The following NEB variants were observed in gnomAD, a reference collection of about 807,000 sequenced individuals.
NEB encodes the protein nebulin.
In NEB, 512 loss-of-function variants were observed where a neutral mutation model predicts 952.2. The ratio of observed to expected loss-of-function variants is 0.54; its 90% CI spans 0.50 to 0.58. NEB has a LOEUF of 0.58. Among genes scored for constraint, NEB ranks in the 20% least tolerant of loss-of-function variants. The pLI is 0.00. For synonymous variants in NEB, 2,900 were observed against 3,149.8 expected (o/e 0.92, Z 2.66); for missense variants, 8,428 against 9,231.1 (o/e 0.91, Z 3.56).
intron 60 of NEB, among the ~76,000 whole-genome samples, chr2:151,641,884 T>C (rs966666812): frequency 1.3e-5 from 2 of 152,230 alleles, no homozygotes; most frequent in Non-Finnish European, 2.9e-5. Flanking sequence ...TACATATGTA[T>C]ATATGTGCCA....
At chr2:151,669,236 T>C in intron 38 of NEB, 105 bp from the exon 39 acceptor site, 2 of 793,468 alleles carry the variant, frequency 2.5e-6, no homozygotes, top group Non-Finnish European at 4.1e-6. Context: ...GTGTTTTCCA[T>C]TTACGAGACA....
chr2:151,643,220 A>G lies in NEB; in HGVS notation c.8090T>C (p.Phe2697Ser), dbSNP rs563560112. The G allele has an allele frequency of 3.3e-5, 54 of 1,613,988 alleles. No individual in the cohort carries two copies. Among genetic ancestry groups the G allele is most frequent in the Admixed American group, 3.3e-4 (20 of 60,028 alleles). The change falls in exon 58 of 182, where the codon TTT becomes TCT. Residue 2697 changes from phenylalanine (F) to serine (S), a missense_variant. By Grantham distance (155) the Phe-to-Ser change is radical. This residue lies in a region of NEB where 1,772 missense variants were observed against 1,960.3 expected (regional missense o/e 0.90). Transcript: ENST00000397345. ...GGAATCCATAAGGCTGGAAAACTTA[A>G]ATTGATCTGGGTGCTGACGGTAAAC... ...DHVYRQHPDQ[F>S]KFSSLMDSIP...
rs767042929 is a variant in NEB at position 151,631,219 on chromosome 2, T to C, written c.9542A>G (p.Asp3181Gly). 3.1e-6 allele frequency: 5 copies of C among 1,613,892 alleles called. No homozygotes were observed. The Admixed American group carries it at 8.3e-5, about 27-fold the overall frequency. Residue 3181 changes from aspartate to glycine, a missense_variant, in exon 66 of 182, where the codon GAC becomes GGC. Physicochemically the swap from Asp to Gly is moderately conservative, Grantham distance 94. Around this residue, in one of 11 missense-constraint regions of NEB, gnomAD observed 1,772 missense variants for 1,960.3 expected, o/e 0.90. Coordinates refer to ENST00000397345, the MANE Select transcript of NEB (RefSeq NM_001164508.2). ...LSDNIYRQPP[D>G]KLKFTSVTDS... Reference sequence around the variant, plus strand: ...AGTCACACTGGTAAATTTCAGCTTGTCCGGAGGCTGGCGGTAGATGTTATC... The same window carrying C: ...AGTCACACTGGTAAATTTCAGCTTGCCCGGAGGCTGGCGGTAGATGTTATC...
At chr2:151,513,261 G>A (rs1427590936) in intron 160 of NEB, among the ~76,000 whole-genome samples, 4 of 152,174 alleles carry the variant, frequency 2.6e-5, no homozygotes, top group African/African-American at 9.6e-5. Flanking sequence ...GGAATTCCTG[G>A]CATCAAATGA....
Position 151,502,881 on chromosome 2 carries a change from A to G in NEB, c.23840T>C (p.Leu7947Ser). The change falls in exon 167 of 182, where the codon TTG becomes TCG. Residue 7947 changes from leucine to serine, a missense_variant. By Grantham distance (145) the Leu-to-Ser change is moderately radical. Around this residue, in one of 11 missense-constraint regions of NEB, gnomAD observed 3,374 missense variants for 3,651.5 expected, o/e 0.92. Transcript: ENST00000397345. ...TCCTTTCCCCAAATTTTCTTTGTAC[A>G]AAACCTGTGAGATACAAGAAAGTAC... Reference protein sequence around the residue: ...KRNQENFSSVLYKENLGKGIP... With the variant: ...KRNQENFSSVSYKENLGKGIP... The G allele has an allele frequency of 1.3e-6, 2 of 1,581,982 alleles. No homozygotes were observed. The highest frequency in any genetic ancestry group is 1.7e-6 in the Non-Finnish European group (2 of 1,155,650).
chr2:151,502,096 A>G (rs2065075231), intron 167 of NEB, among the ~76,000 whole-genome samples: 1 of 152,190 alleles, frequency 6.6e-6, no homozygotes, highest in African/African-American at 2.4e-5. Flanking sequence ...GGAGACTAGT[A>G]TTGTAAGTGA....
intron 148 of NEB, among the ~76,000 whole-genome samples, chr2:151,526,564 C>T (rs529431111): frequency 2.5e-4 from 38 of 152,256 alleles, no homozygotes; most frequent in African/African-American, 8.7e-4. Flanking sequence ...ATTATTATTC[C>T]GTCTTTACAG....
At position 151,619,499 on chromosome 2, in the gene NEB, G is replaced by C. The variant is rs768264893; in HGVS notation, c.10824C>G (p.Asp3608Glu). Residue 3608 changes from aspartate to glutamate, a missense_variant, in exon 73 of 182, where the codon GAC (aspartate) becomes GAG (glutamate). By Grantham distance (45) the Asp-to-Glu change is conservative (BLOSUM62 2). Coordinates refer to ENST00000397345, the MANE Select transcript of NEB (RefSeq NM_001164508.2). ...HPLHEWICLP[D>E]QNDIIHARKA... ...TCCGTGCATGAATGATGTCATTCTG[G>C]TCGGGCAGGCAGATCCATTCATGCA... 6.2e-7 allele frequency: 1 copy of C among 1,612,930 alleles called. No homozygotes were observed. Among genetic ancestry groups the C allele is most frequent in the Admixed American group, 1.7e-5 (1 of 59,986 alleles).
chr2:151,663,972 T>C (rs780298935), intron 44 of NEB, 113 bp from the exon 45 acceptor site: 4 of 1,096,508 alleles, frequency 3.6e-6, no homozygotes, highest in Admixed American at 2.6e-5. Flanking sequence ...TACTCTAAAA[T>C]TGGAAGGGAG....
rs1314447948 is a variant in NEB at position 151,548,378 on chromosome 2, T to C, written c.20087A>G (p.Tyr6696Cys). Reference sequence around the variant, plus strand: ...ATCTTTGGGGCCAAGTGTATACCCATATGCCTTGGTGTGTTCATAGGCTTC... The same window carrying C: ...ATCTTTGGGGCCAAGTGTATACCCACATGCCTTGGTGTGTTCATAGGCTTC... Reference protein sequence around the residue: ...YKEAYEHTKAYGYTLGPKDVP... With the variant: ...YKEAYEHTKACGYTLGPKDVP... Residue 6696 changes from tyrosine to cysteine, a missense_variant, in exon 131 of 182, where the codon TAT becomes TGT. This residue lies in a region of NEB where 3,374 missense variants were observed against 3,651.5 expected (regional missense o/e 0.92). Transcript: ENST00000397345. 1.2e-6 allele frequency: 2 copies of C among 1,613,644 alleles called. No homozygotes were observed. Among genetic ancestry groups the C allele is most frequent in the African/African-American group, 2.7e-5 (2 of 74,922 alleles).
At chr2:151,729,538 C>G in intron 4 of NEB, 77 bp downstream of exon 4, 1 of 1,512,714 alleles carries the variant, frequency 6.6e-7, no homozygotes, top group South Asian at 1.1e-5. Flanking sequence ...CTTTGTGGCC[C>G]TGGGAGTCTA....
At chr2:151,702,908 T>C (rs2099681812) in intron 13 of NEB, among the ~76,000 whole-genome samples, 2 of 152,174 alleles carry the variant, frequency 1.3e-5, no homozygotes, top group Admixed American at 1.3e-4. Context: ...GATCCTGTCA[T>C]TATGATGTTA....
chr2:151,536,625 A>C (rs2093253502), intron 141 of NEB, among the ~76,000 whole-genome samples: 1 of 152,190 alleles, frequency 6.6e-6, no homozygotes, highest in African/African-American at 2.4e-5. Flanking sequence ...CCTAGAATGA[A>C]TCTGGCCCAT....
rs1286428979 is a variant in NEB, at chr2:151,695,682, A to T, written c.1570T>A (p.Leu524Ile). 3.1e-6 allele frequency: 5 copies of T among 1,605,496 alleles called. No homozygotes were observed. Among genetic ancestry groups the T allele is most frequent in the Non-Finnish European group, 4.3e-6 (5 of 1,172,718 alleles). ...CTTTCATGTTTTGCTTTGTAATTTA[A>T]CTATGACAGAGAGAGAACCAATTAG... ...AQVNSKQLSD[L>I]NYKAKHESEK... Residue 524 changes from leucine to isoleucine, a missense_variant and splice_region_variant, in exon 18 of 182, where the codon TTA becomes ATA. Coordinates refer to ENST00000397345, the MANE Select transcript of NEB (RefSeq NM_001164508.2).
chr2:151,664,452 A>T, intron 44 of NEB, 49 bp downstream of exon 44: 1 of 1,358,496 alleles, frequency 7.4e-7, no homozygotes, highest in Non-Finnish European at 1.0e-6. Flanking sequence ...AGCTTAGCGC[A>T]TTTGTTCTTA....
At chr2:151,698,322 C>A in intron 13 of NEB, among the ~76,000 whole-genome samples, 1 of 151,872 alleles carries the variant, frequency 6.6e-6, no homozygotes, top group East Asian at 1.9e-4. Flanking sequence ...AGTTGTGCAA[C>A]TGTCACCACA....
rs778067687 is a variant in NEB, at chr2:151,537,932, C to T, written c.21042G>A (p.Arg7014=). 9.3e-6 allele frequency: 15 copies of T among 1,613,232 alleles called. No homozygotes were observed. The highest frequency in any genetic ancestry group is 1.6e-4 in the Middle Eastern group (1 of 6,080). ...AATGCTCTGGACGATCAGGAATGGACCTCCAGATACCCAACTGGCTCATGT... is the reference window on the plus strand; with the variant it reads ...AATGCTCTGGACGATCAGGAATGGATCTCCAGATACCCAACTGGCTCATGT... ...ENYMSQLGIW[R]SIPDRPEHFH... Residue 7014 remains arginine, a synonymous_variant, in exon 140 of 182, where the codon AGG becomes AGA. Transcript: ENST00000397345.
chr2:151,605,318 A>G (rs1360852593), intron 84 of NEB, among the ~76,000 whole-genome samples: 2 of 126,146 alleles, frequency 1.6e-5, no homozygotes, highest in South Asian at 2.5e-4. Context: ...AACAAGGCAC[A>G]GGTGATAATC....
rs779881258 is a variant in NEB at position 151,538,160 on chromosome 2, C to T, written c.20977G>A (p.Val6993Ile). The change falls in exon 139 of 182, where the codon GTC becomes ATC. Residue 6993 changes from valine (V) to isoleucine (I), a missense_variant. Val to Ile is a conservative substitution (Grantham distance 29, BLOSUM62 3). Around this residue, in one of 11 missense-constraint regions of NEB, gnomAD observed 3,374 missense variants for 3,651.5 expected, o/e 0.92. Transcript: ENST00000397345. The part of the protein sequence containing the change: ...DALDIVYHRK[V>I]TDDISKIKYK... ...CATACTTTACTGATGTCATCTGTGACTTTGCGATGATAGACAATGTCTAGG... is the reference window on the plus strand; with the variant it reads ...CATACTTTACTGATGTCATCTGTGATTTTGCGATGATAGACAATGTCTAGG... The T allele has an allele frequency of 8.7e-6, 14 of 1,610,512 alleles. No homozygotes were observed. The Admixed American group carries it at 2.3e-4, about 27-fold the overall frequency.
Sources: allele counts gnomAD v4.1 joint callset (sites outside exome capture counted in the v4.1 genomes callset), GRCh38; gene constraint gnomAD v4.1.1; regional missense constraint gnomAD v4.1.1; transcripts MANE v1.5; gene names NCBI Gene and HGNC (gene_info 2026-07-23, HGNC 2026-07-21).